The following LAMA5 variants were observed in gnomAD, a reference collection of about 807,000 sequenced individuals.
LAMA5 encodes the protein laminin subunit alpha-5.
In LAMA5, 260 loss-of-function variants were observed where a neutral mutation model predicts 433.4. That is an observed-to-expected ratio of 0.60 (90% confidence interval 0.54 to 0.66). The LOEUF (loss-of-function observed/expected upper bound fraction) is 0.66. Among genes scored for constraint, LAMA5 ranks in the 30% least tolerant of loss-of-function variants. The probability of loss-of-function intolerance (pLI) is 0.00; values close to 1 mark genes in which losing one functional copy is unlikely to be tolerated. For synonymous variants in LAMA5, 2,620 were observed against 2,226.6 expected (o/e 1.18, Z -4.97); for missense variants, 5,378 against 5,258.5 (o/e 1.02, Z -0.70).
rs371360215 is a variant in LAMA5, at chr20:62,324,033, G to A, written c.5768+47C>T. 1 of 1,472,260 alleles carries A rather than the reference G, an allele frequency of 6.8e-7. No individual in the cohort carries two copies. Among genetic ancestry groups the A allele is most frequent in the Non-Finnish European group, 9.0e-7 (1 of 1,112,812 alleles). The allele number at this position is 1,472,260 out of a possible 1,614,324, so 91.2% of individuals were successfully genotyped here. A position where few individuals can be genotyped will look rare whatever the true frequency, so the allele number is the denominator to read the frequency against. On this transcript the variant is annotated intron_variant, in intron 43 of 79. Coordinates refer to ENST00000252999, the MANE Select transcript of LAMA5 (RefSeq NM_005560.6). This position sits in a 1 kb window ranked among gnomAD's most constrained non-coding sequence, Gnocchi z 4.4. ...GAACCCACCCCGCTGCTGGGTGAAG[G>A]GAGCCTGGCACCATCAGGGCCTCGT...
chr20:62,339,231 C>CTT lies in LAMA5; in HGVS notation c.1478-625_1478-624dup, dbSNP rs151158845. ...CAAGCTGCAAAACAAATTATAGTTT[C>CTT]TTTTTTTTTTTTTTTTTTTTTTTTG... On this transcript the variant is annotated intron_variant, in intron 11 of 79. Transcript: ENST00000252999. 3.2e-3 allele frequency among the ~76,000 whole-genome samples: 179 copies of CTT among 55,992 alleles called. 1 individual carries two copies. The highest frequency in any genetic ancestry group is 7.8e-3 in the African/African-American group (130 of 16,652). The allele number at this position is 55,992 out of a possible 152,430, so 36.7% of individuals were successfully genotyped here.
intron 53 of LAMA5, 92 bp downstream of exon 53, chr20:62,318,346 GAGGGAGGGGAGGACGA>G: frequency 2.5e-6 from 1 of 408,070 alleles, no homozygotes; most frequent in Non-Finnish European, 4.3e-6. Flanking sequence ...GGGGAGGACG[GAGGGAGGGGAGGACGA>G]GGGGAGGGGA....
chr20:62,317,111 G>C, intron 55 of LAMA5, 88 bp from the exon 56 acceptor site: 1 of 1,392,128 alleles, frequency 7.2e-7, no homozygotes, highest in Non-Finnish European at 9.5e-7. Context: ...AACCAGCCGT[G>C]CCCGTGCCTG....
chr20:62,326,417 A>G lies in LAMA5; in HGVS notation c.5298+260T>C, dbSNP rs1979304381. On this transcript the variant is annotated intron_variant, in intron 40 of 79. Coordinates refer to ENST00000252999, the MANE Select transcript of LAMA5 (RefSeq NM_005560.6). ...CAGGCAGTGCATGGAGGAAGCCAAC[A>G]GCTACTGAGCAGCTGCTCACCCCTC... The G allele has an allele frequency of 1.1e-5, 5 of 443,698 alleles. No individual in the cohort carries two copies. In the East Asian group the frequency reaches 1.8e-4, roughly 16 times the overall value. 27.5% of individuals were successfully genotyped at this position (443,698 alleles called of 1,614,324 possible).
In LAMA5 at chr20:62,315,196, T is replaced by A; in HGVS notation, c.7879A>T (p.Lys2627Ter). 3 of 1,607,564 alleles carry A rather than the reference T, an allele frequency of 1.9e-6. No homozygotes were observed. Among genetic ancestry groups the A allele is most frequent in the Non-Finnish European group, 2.5e-6 (3 of 1,177,394 alleles). The change falls in exon 59 of 80, where the codon AAG becomes TAG. Residue 2627 changes from lysine to a stop codon, truncating the protein, a stop_gained. Coordinates refer to ENST00000252999, the MANE Select transcript of LAMA5 (RefSeq NM_005560.6). LOFTEE classifies it high-confidence loss of function. Reference protein sequence around the residue: ...MLAMDTDETSKKIAHAKAVAA... With the variant: ...MLAMDTDETS Reference sequence around the variant, plus strand: ...ACAGCCTTGGCATGTGCGATCTTCTTGCTTGTCTCGTCTGTGGTGGGCAGA... The same window carrying A: ...ACAGCCTTGGCATGTGCGATCTTCTAGCTTGTCTCGTCTGTGGTGGGCAGA...
intron 11 of LAMA5, among the ~76,000 whole-genome samples, chr20:62,340,361 G>T (rs1271802976): frequency 7.4e-6 from 1 of 134,600 alleles, no homozygotes; most frequent in Non-Finnish European, 1.5e-5. Context: ...GCCCAGGCTG[G>T]AGTGCAGTGG....
intron 48 of LAMA5, among the ~76,000 whole-genome samples, chr20:62,321,414 C>G (rs56280422): frequency 3.4e-4 from 1 of 2,962 alleles, no homozygotes; most frequent in African/African-American, 1.3e-3. Context: ...GTTCAGAGGA[C>G]GGGTAGGGTC....
chr20:62,314,699 C>A lies in LAMA5; in HGVS notation c.8223G>T (p.Gly2741=). 1 of 1,612,664 alleles carries A rather than the reference C, an allele frequency of 6.2e-7. No individual in the cohort carries two copies. Among genetic ancestry groups the A allele is most frequent in the Non-Finnish European group, 8.5e-7 (1 of 1,179,848 alleles). The change falls in exon 61 of 80, where the codon GGG becomes GGT. Residue 2741 remains glycine (G), a synonymous_variant. Coordinates refer to ENST00000252999, the MANE Select transcript of LAMA5 (RefSeq NM_005560.6). ...SKVKVPMKFN[G]RSGVQLRTPR... ...GGGTGCGCAGCTGCACCCCTGAGCG[C>A]CCGTTGAACTTCATGGGCACCTTGA...
intron 18 of LAMA5, among the ~76,000 whole-genome samples, chr20:62,335,807 C>A (rs1206877486): frequency 1.4e-5 from 1 of 70,432 alleles, no homozygotes; most frequent in Non-Finnish European, 4.7e-5. Context: ...GAACCCCCTG[C>A]ACCCCAACAT....
At chr20:62,320,459 G>T in intron 50 of LAMA5, 100 bp downstream of exon 50, 1 of 874,464 alleles carries the variant, frequency 1.1e-6, no homozygotes, top group Non-Finnish European at 1.8e-6. Flanking sequence ...ACTGACACAT[G>T]TACGAGGCAT....
rs1466258525 is a variant in LAMA5 at position 62,316,400 on chromosome 20, C to T, written c.7756+271G>A. 5.6e-6 allele frequency: 3 copies of T among 534,042 alleles called. No individual in the cohort carries two copies. In the African/African-American group the frequency reaches 5.7e-5, roughly 10 times the overall value. The allele number at this position is 534,042 out of a possible 1,614,324, so 33.1% of individuals were successfully genotyped here. A position where few individuals can be genotyped will look rare whatever the true frequency, so the allele number is the denominator to read the frequency against. ...AGCCCTCGGGTCAGCAGAGCAGAGGCCACGTATCTCTTGCCCTGTGCCCTG... is the reference window on the plus strand; with the variant it reads ...AGCCCTCGGGTCAGCAGAGCAGAGGTCACGTATCTCTTGCCCTGTGCCCTG... On this transcript the variant is annotated intron_variant, in intron 57 of 79. Transcript: ENST00000252999.
At chr20:62,346,838 A>ACGGGCCCGGG (rs756681451) in intron 7 of LAMA5, 38 bp from the exon 8 acceptor site, 17 of 1,607,254 alleles carry the variant, frequency 1.1e-5, no homozygotes, top group Non-Finnish European at 1.4e-5. Flanking sequence ...CACGCCCTCC[A>ACGGGCCCGGG]CAGGCCCGGG....
At position 62,326,479 on chromosome 20, in the gene LAMA5, C is replaced by G. The variant is rs1257364984; in HGVS notation, c.5298+198G>C. The G allele has an allele frequency of 1.8e-5, 10 of 558,254 alleles. No individual in the cohort carries two copies. In the East Asian group the frequency reaches 2.1e-4, roughly 11 times the overall value. The allele number at this position is 558,254 out of a possible 1,614,324, so 34.6% of individuals were successfully genotyped here. On this transcript the variant is annotated intron_variant, in intron 40 of 79. Coordinates refer to ENST00000252999, the MANE Select transcript of LAMA5 (RefSeq NM_005560.6). ...ACTCACAAAGCAGGTGGGAAGACAG[C>G]ATGACACCCCCCAGGGTGACCAGCA...
rs745672969 is a variant in LAMA5 at position 62,337,932 on chromosome 20, G to A, written c.1898C>T (p.Thr633Ile). The change falls in exon 15 of 80, where the codon ACC (threonine) becomes ATC (isoleucine). Residue 633 changes from threonine (T) to isoleucine (I), a missense_variant. Transcript: ENST00000252999. ...YHGFPNCQAC[T>I]CDPRGALDQL... is the part of the protein sequence containing the mutation. The stretch of plus-strand genomic sequence containing the variant: ...GTCCAGGGCTCCCCGAGGGTCGCAG[G>A]TGCATGCTGCAGAGGGACAATGGGG... The A allele has an allele frequency of 3.7e-6, 6 of 1,609,418 alleles. No homozygotes were observed. Among genetic ancestry groups the A allele is most frequent in the Admixed American group, 3.4e-5 (2 of 59,478 alleles).
chr20:62,314,731 G>C lies in LAMA5; in HGVS notation c.8197-6C>G, dbSNP rs377124697. On this transcript the variant is annotated splice_polypyrimidine_tract_variant and splice_region_variant and intron_variant, in intron 60 of 79. Coordinates refer to ENST00000252999, the MANE Select transcript of LAMA5 (RefSeq NM_005560.6). ...AACTTCATGGGCACCTTGACCTGCG[G>C]GGCACGGTCCATCAGCGTCCACCAC... 5.6e-6 allele frequency: 9 copies of C among 1,612,516 alleles called. No homozygotes were observed. Among genetic ancestry groups the C allele is most frequent in the Non-Finnish European group, 7.6e-6 (9 of 1,179,762 alleles).
Position 62,327,523 on chromosome 20 carries a change from G to T in LAMA5, c.4938+6C>A. ...GAAGGCAATGCCCTCAGTCCTGCAG[G>T]CGCACCTCCTGGCGGGTGTAGGACG... On this transcript the variant is annotated splice_donor_region_variant and intron_variant, in intron 37 of 79. Coordinates refer to ENST00000252999, the MANE Select transcript of LAMA5 (RefSeq NM_005560.6). 1 of 1,612,880 alleles carries T rather than the reference G, an allele frequency of 6.2e-7. No individual in the cohort carries two copies. The highest frequency in any genetic ancestry group is 8.5e-7 in the Non-Finnish European group (1 of 1,179,992).
Position 62,322,171 on chromosome 20 carries a change from G to A in LAMA5, c.6347-3C>T, listed in dbSNP as rs1360114998. ...GCGGCCCCCAGGGCACTGGCAGCCT[G>A]TGGTGGGGGGCTTGGGTGAGCATGG... On this transcript the variant is annotated splice_polypyrimidine_tract_variant and splice_region_variant and intron_variant, in intron 47 of 79. Transcript: ENST00000252999. The A allele has an allele frequency of 1.3e-6, 2 of 1,590,428 alleles. No individual in the cohort carries two copies. Among genetic ancestry groups the A allele is most frequent in the Non-Finnish European group, 1.7e-6 (2 of 1,170,704 alleles).
intron 65 of LAMA5, 32 bp downstream of exon 65, chr20:62,313,056 T>C (rs1226163355): frequency 6.2e-7 from 1 of 1,603,924 alleles, no homozygotes; most frequent in Admixed American, 1.7e-5. Flanking sequence ...TCAGTGCAAG[T>C]GGGGATGGCA....
intron 53 of LAMA5, 30 bp downstream of exon 53, chr20:62,318,424 C>T: frequency 1.3e-6 from 2 of 1,549,816 alleles, no homozygotes; most frequent in South Asian, 1.1e-5. Context: ...GGAAGAGGAG[C>T]AGGAGGAAGA....
Sources: gnomAD v4.1 joint callset for allele counts (sites outside exome capture counted in the v4.1 genomes callset) on GRCh38, gnomAD v4.1.1 for gene constraint, Gnocchi (gnomAD v3.1) non-coding constraint, MANE v1.5 for transcripts, NCBI Gene and HGNC (gene_info 2026-07-23, HGNC 2026-07-21) for gene names.